Variants in PDE1C observed in about 807,000 individuals in gnomAD.
PDE1C encodes the protein phosphodiesterase 1C.
PDE1C carries 62 observed loss-of-function variants against 93.1 expected under a neutral mutation model. The ratio of observed to expected loss-of-function variants is 0.67; its 90% confidence interval spans 0.54 to 0.82. The LOEUF is 0.82. Among genes scored for constraint, PDE1C ranks in the 40% least tolerant of loss-of-function variants. The probability of loss-of-function intolerance (pLI) is 0.00; values close to 1 mark genes in which losing one functional copy is unlikely to be tolerated. For synonymous variants in PDE1C, 325 were observed against 310.1 expected (o/e 1.05, Z -0.50); for missense variants, 742 against 884.6 (o/e 0.84, Z 2.04).
chr7:32,236,310 T>A (rs981773396), intron 1 of PDE1C, among the ~76,000 whole-genome samples: 1 of 152,030 alleles, frequency 6.6e-6, no homozygotes, highest in African/African-American at 2.4e-5. Flanking sequence ...ATAAACTAGA[T>A]TGCATCAAAA....
the PDE1C span, among the ~76,000 whole-genome samples, chr7:31,670,371 T>C: frequency 1.3e-5 from 2 of 152,176 alleles, no homozygotes; most frequent in African/African-American, 2.4e-5. Flanking sequence ...CACATGTTCA[T>C]TTCTCTATAA....
chr7:31,730,244 G>A, the PDE1C span, among the ~76,000 whole-genome samples: 1 of 152,174 alleles, frequency 6.6e-6, no homozygotes, highest in South Asian at 2.1e-4. Flanking sequence ...ACACAGCACA[G>A]ACACACACAC....
chr7:31,689,918 C>G, the PDE1C span, among the ~76,000 whole-genome samples: 2 of 152,186 alleles, frequency 1.3e-5, no homozygotes, highest in African/African-American at 2.4e-5. Flanking sequence ...TGCTGGTTCA[C>G]CACCACCATT....
intron 1 of PDE1C, among the ~76,000 whole-genome samples, chr7:32,313,005 C>G (rs542834235): frequency 1.5e-3 from 227 of 152,244 alleles, no homozygotes; most frequent in African/African-American, 5.1e-3. Flanking sequence ...ACCTACTCAT[C>G]TGACAAAGGG....
chr7:31,863,939 A>C (rs528271392), intron 7 of PDE1C, among the ~76,000 whole-genome samples: 3 of 152,286 alleles, frequency 2.0e-5, no homozygotes, highest in African/African-American at 7.2e-5. Flanking sequence ...TTTTTAATTC[A>C]GTGAGATATT....
chr7:32,196,382 C>CT, intron 2 of PDE1C, among the ~76,000 whole-genome samples: 1 of 151,982 alleles, frequency 6.6e-6, no homozygotes, highest in Non-Finnish European at 1.5e-5. Flanking sequence ...TGTTAGGGCT[C>CT]TTTTTTTGGG....
At chr7:31,705,770 C>A in the PDE1C span, among the ~76,000 whole-genome samples, 3 of 152,018 alleles carry the variant, frequency 2.0e-5, no homozygotes, top group East Asian at 5.8e-4. Flanking sequence ...AGGAAGGAGG[C>A]AGTGCGAGGC....
chr7:32,375,787 C>T (rs1784422903), intron 1 of PDE1C, among the ~76,000 whole-genome samples: 1 of 152,224 alleles, frequency 6.6e-6, no homozygotes, highest in South Asian at 2.1e-4. Flanking sequence ...CAAACTAGGG[C>T]CATGATAATG....
chr7:31,677,068 AATTT>A, the PDE1C span, among the ~76,000 whole-genome samples: 2 of 152,204 alleles, frequency 1.3e-5, no homozygotes, highest in Non-Finnish European at 2.9e-5. Flanking sequence ...TGAAATGAAT[AATTT>A]ATTAAAAAAT....
chr7:32,227,044 C>T (rs1365201422), intron 1 of PDE1C, among the ~76,000 whole-genome samples: 1 of 152,176 alleles, frequency 6.6e-6, no homozygotes, highest in Non-Finnish European at 1.5e-5. Context: ...CCAAACGCAC[C>T]TTCTGAGGAA....
intron 1 of PDE1C, among the ~76,000 whole-genome samples, chr7:32,279,278 T>C (rs867492061): frequency 1.3e-5 from 2 of 152,140 alleles, no homozygotes; most frequent in Admixed American, 6.6e-5. Flanking sequence ...ATATATGTCT[T>C]CCAAACATTA....
intron 2 of PDE1C, among the ~76,000 whole-genome samples, chr7:32,176,439 A>T (rs1802991579): frequency 6.6e-6 from 1 of 152,226 alleles, no homozygotes; most frequent in South Asian, 2.1e-4. Context: ...GGGAATAAGT[A>T]AGACAGGTTG....
chr7:32,298,906 G>A (rs1812800770), exon 1 of PDE1C: 2 of 1,362,088 alleles, frequency 1.5e-6, no homozygotes, highest in African/African-American at 1.5e-5. Context: ...GACAACAGCG[G>A]GGACCCAATG....
In PDE1C at chr7:32,027,264, A is replaced by G. The variant is rs375403034; in HGVS notation, c.128+24290T>C. Among the ~76,000 whole-genome samples the G allele has an allele frequency of 2.0e-5, 3 of 152,120 alleles. No individual in the cohort carries two copies. The South Asian group carries it at 6.2e-4, about 32-fold the overall frequency. ...AGTGGGGGAAGCTGCACATGTGGGG[A>G]TGGGGGTTATTATGGAAAAATATCT... On this transcript the variant is annotated intron_variant, in intron 2 of 17. Transcript: ENST00000396191.
chr7:31,621,296 A>G, the PDE1C span, among the ~76,000 whole-genome samples: 2 of 87,034 alleles, frequency 2.3e-5, no homozygotes, highest in Admixed American at 2.6e-4. Flanking sequence ...ACTCCAAGAC[A>G]CATAATTGTC....
chr7:32,376,632 G>T (rs551793845), intron 1 of PDE1C, among the ~76,000 whole-genome samples: 1 of 152,142 alleles, frequency 6.6e-6, no homozygotes, highest in African/African-American at 2.4e-5. Context: ...GACTAAATCA[G>T]CATTTGCTCC....
chr7:31,660,629 T>A, the PDE1C span, among the ~76,000 whole-genome samples: 1 of 152,164 alleles, frequency 6.6e-6, no homozygotes, highest in African/African-American at 2.4e-5. Context: ...TTTTGAAGAA[T>A]TATTATTTCT....
the PDE1C span, among the ~76,000 whole-genome samples, chr7:31,681,391 GGATGGAT>G: frequency 2.4e-4 from 36 of 151,056 alleles, 1 homozygote; most frequent in Non-Finnish European, 4.6e-4. Context: ...ATGGATGGAT[GGATGGAT>G]GGATGGATGG....
chr7:32,320,080 T>C (rs1783257316), intron 1 of PDE1C, among the ~76,000 whole-genome samples: 1 of 152,160 alleles, frequency 6.6e-6, no homozygotes, highest in Non-Finnish European at 1.5e-5. Flanking sequence ...TGAACATTAA[T>C]TTGTCACACA....
Sources: gnomAD v4.1 joint callset for allele counts (sites outside exome capture counted in the v4.1 genomes callset) on GRCh38, gnomAD v4.1.1 for gene constraint, MANE v1.5 for transcripts, NCBI Gene and HGNC (gene_info 2026-07-23, HGNC 2026-07-21) for gene names.